Variants in SLC22A24 observed in about 807,000 individuals in gnomAD.
SLC22A24 encodes the protein steroid transmembrane transporter SLC22A24.
SLC22A24 carries 53 observed loss-of-function variants against 49.8 expected under a neutral mutation model. The ratio of observed to expected loss-of-function variants is 1.06; its 90% confidence interval spans 0.85 to 1.34. The LOEUF (loss-of-function observed/expected upper bound fraction) is 1.34. SLC22A24 is among the 40% of genes most tolerant of loss of function. The pLI, the probability that SLC22A24 is intolerant of heterozygous loss-of-function variation, is 0.00. For missense variants in SLC22A24, 786 were observed against 675.9 expected, an observed-to-expected ratio of 1.16 and a Z score of -1.81; for synonymous variants, 302 against 256.4, an observed-to-expected ratio of 1.18 and a Z score of -1.70.
intron 2 of SLC22A24, among the ~76,000 whole-genome samples, chr11:63,134,149 TATA>T (rs910157679): frequency 2.6e-5 from 4 of 152,198 alleles, no homozygotes; most frequent in African/African-American, 9.7e-5. Context: ...CATCAGATTT[TATA>T]ATGATGACTA....
At chr11:63,132,630 T>C (rs2087344881) in intron 2 of SLC22A24, among the ~76,000 whole-genome samples, 1 of 152,050 alleles carries the variant, frequency 6.6e-6, no homozygotes, top group South Asian at 2.1e-4. Flanking sequence ...GAACAGCAAA[T>C]ATTGCAGAAC....
At chr11:63,123,849 A>G (rs1016051593) in intron 2 of SLC22A24, among the ~76,000 whole-genome samples, 54 of 152,160 alleles carry the variant, frequency 3.5e-4, no homozygotes, top group Admixed American at 2.4e-3. Context: ...CATTCTTATG[A>G]TCTTTCCTCT....
chr11:63,135,413 T>C (rs1197751317), intron 1 of SLC22A24, among the ~76,000 whole-genome samples: 11 of 152,252 alleles, frequency 7.2e-5, no homozygotes, highest in Non-Finnish European at 1.6e-4. Flanking sequence ...TAGCATAACA[T>C]TTGCCTAACA....
At chr11:63,115,048 C>T (rs562347022) in intron 4 of SLC22A24, among the ~76,000 whole-genome samples, 1 of 152,320 alleles carries the variant, frequency 6.6e-6, no homozygotes, top group South Asian at 2.1e-4. Context: ...GCAGCCTGTC[C>T]ATTCTCAGAG....
chr11:63,118,832 A>T (rs1175685756), intron 4 of SLC22A24, 80 bp downstream of exon 4: 1 of 1,444,370 alleles, frequency 6.9e-7, no homozygotes, highest in Non-Finnish European at 9.5e-7. Context: ...GAGACCGAAC[A>T]GATCCCAGGT....
intron 9 of SLC22A24, among the ~76,000 whole-genome samples, 162 bp downstream of exon 9, chr11:63,080,758 T>G (rs776166367): frequency 6.6e-6 from 1 of 152,076 alleles, no homozygotes; most frequent in Non-Finnish European, 1.5e-5. Flanking sequence ...GTGGATAGGG[T>G]AGGCTGCTAC....
At chr11:63,106,775 T>C (rs528695893) in intron 4 of SLC22A24, among the ~76,000 whole-genome samples, 1 of 152,280 alleles carries the variant, frequency 6.6e-6, no homozygotes, top group Admixed American at 6.5e-5. Context: ...TTGATGGGGT[T>C]GTTTGCTTTT....
intron 4 of SLC22A24, among the ~76,000 whole-genome samples, chr11:63,115,242 T>C (rs990414327): frequency 1.3e-5 from 2 of 152,214 alleles, no homozygotes; most frequent in Non-Finnish European, 2.9e-5. Context: ...TCCTGGCCAC[T>C]TTATTTACCT....
chr11:63,130,173 T>C (rs2087323505), intron 2 of SLC22A24, among the ~76,000 whole-genome samples: 1 of 152,118 alleles, frequency 6.6e-6, no homozygotes, highest in Non-Finnish European at 1.5e-5. Context: ...TTATTGAGAG[T>C]TTTTAGCATG....
chr11:63,085,606 A>G lies in SLC22A24; in HGVS notation c.1071-2149T>C, dbSNP rs2086982815. Among the ~76,000 whole-genome samples, 4 of 152,338 alleles carry G rather than the reference A, an allele frequency of 2.6e-5. No individual in the cohort carries two copies. The South Asian group carries it at 8.3e-4, about 32-fold the overall frequency. The stretch of plus-strand genomic sequence containing the variant: ...TTATGGAGAGGAAAAGAAAATACAA[A>G]CAGATGAACAAATAAAGAAATAAAA... On this transcript the variant is annotated intron_variant, in intron 6 of 9. Coordinates refer to ENST00000612278, the MANE Select transcript of SLC22A24 (RefSeq NM_001136506.2).
At chr11:63,106,135 T>G (rs1050844866) in intron 4 of SLC22A24, among the ~76,000 whole-genome samples, 2 of 135,234 alleles carry the variant, frequency 1.5e-5, no homozygotes, top group Non-Finnish European at 3.1e-5. Flanking sequence ...CCTGTGTCCA[T>G]GTGTTCTCAT....
chr11:63,126,541 A>C (rs922562831), intron 2 of SLC22A24, among the ~76,000 whole-genome samples: 1 of 152,168 alleles, frequency 6.6e-6, no homozygotes, highest in Non-Finnish European at 1.5e-5. Flanking sequence ...AACCAGTACC[A>C]TGCTGTTTTG....
intron 4 of SLC22A24, among the ~76,000 whole-genome samples, chr11:63,115,658 G>T (rs999047781): frequency 6.6e-6 from 1 of 152,140 alleles, no homozygotes; most frequent in Non-Finnish European, 1.5e-5. Context: ...GATCACACTG[G>T]GATCTGCAGA....
intron 2 of SLC22A24, among the ~76,000 whole-genome samples, chr11:63,126,126 G>C (rs545699760): frequency 2.0e-5 from 3 of 152,014 alleles, no homozygotes; most frequent in Non-Finnish European, 4.4e-5. Context: ...TCACTCTAAT[G>C]GTAGTTTCTT....
intron 6 of SLC22A24, among the ~76,000 whole-genome samples, chr11:63,095,078 A>C (rs1031842045): frequency 6.6e-6 from 1 of 152,082 alleles, no homozygotes; most frequent in South Asian, 2.1e-4. Flanking sequence ...CTGAATGGTA[A>C]TGCCTAGGTT....
chr11:63,118,626 TTAGA>T (rs2087228344), intron 4 of SLC22A24: 1 of 554,074 alleles, frequency 1.8e-6, no homozygotes, highest in Admixed American at 3.2e-5. Context: ...ATTCCAAAAG[TTAGA>T]TAAATAATAC....
chr11:63,143,784 A>G lies in SLC22A24; in HGVS notation c.-5T>C. 7.2e-7 allele frequency: 1 copy of G among 1,388,908 alleles called. No homozygotes were observed. Among genetic ancestry groups the G allele is most frequent in the Non-Finnish European group, 9.4e-7 (1 of 1,067,120 alleles). The allele number at this position is 1,388,908 out of a possible 1,614,324, so 86.0% of individuals were successfully genotyped here. A position where few individuals can be genotyped will look rare whatever the true frequency, so the allele number is the denominator to read the frequency against. ...CAGGAGCACATCAAAGCCCATTGAG[A>G]CTGAACAGGTGATCCCCAAGAGGAA... On this transcript the variant is annotated 5_prime_UTR_variant, in exon 1 of 10. Transcript: ENST00000612278.
rs1565047932 is a variant in SLC22A24 at position 63,143,587 on chromosome 11, C to CG, written c.192dup (p.Gly65ArgfsTer7). 6.4e-7 allele frequency: 1 copy of CG among 1,569,194 alleles called. No homozygotes were observed. Among genetic ancestry groups the CG allele is most frequent in the African/African-American group, 1.4e-5 (1 of 73,158 alleles). On this transcript the variant is annotated frameshift_variant, in exon 1 of 10. Transcript: ENST00000612278. LOFTEE classifies it high-confidence loss of function. ...AGGAGGTCATCCTTGCTGAGGGTCC[C>CG]GGTATCATTGTCAGACACAGTGTCA...
intron 4 of SLC22A24, among the ~76,000 whole-genome samples, chr11:63,111,396 A>T (rs1042999090): frequency 5.9e-5 from 9 of 151,316 alleles, no homozygotes; most frequent in African/African-American, 2.2e-4. Flanking sequence ...TTCTTTTTCT[A>T]TTGATTGGAA....
Sources: allele counts gnomAD v4.1 joint callset (sites outside exome capture counted in the v4.1 genomes callset), GRCh38; gene constraint gnomAD v4.1.1; transcripts MANE v1.5; gene names NCBI Gene and HGNC (gene_info 2026-07-23, HGNC 2026-07-21).